Variants in TNFAIP8L3 observed in about 807,000 individuals in gnomAD.
TNFAIP8L3 encodes the protein TNF alpha induced protein 8 like 3.
In TNFAIP8L3, 7 loss-of-function variants were observed where a neutral mutation model predicts 11.8. The observed-to-expected ratio is 0.59, with a 90% CI of 0.34 to 1.11. TNFAIP8L3 has a LOEUF of 1.11. Among genes scored for constraint, TNFAIP8L3 ranks in the 50% most tolerant of loss-of-function variants. The probability of loss-of-function intolerance (pLI) is 0.03; values close to 1 mark genes in which losing one functional copy is unlikely to be tolerated. For missense variants in TNFAIP8L3, 219 were observed against 258.6 expected, an observed-to-expected ratio of 0.85 and a Z score of 1.05; for synonymous variants, 98 against 103.8, an observed-to-expected ratio of 0.94 and a Z score of 0.34.
At chr15:51,091,291 C>T (rs1315601287) in intron 1 of TNFAIP8L3, among the ~76,000 whole-genome samples, 1 of 152,188 alleles carries the variant, frequency 6.6e-6, no homozygotes, top group Non-Finnish European at 1.5e-5. Flanking sequence ...GCTCTGCACG[C>T]ACAAAGTGGG....
At chr15:51,097,399 T>C (rs1404279834), upstream of TNFAIP8L3, among the ~76,000 whole-genome samples, 3 of 152,218 alleles carry the variant, frequency 2.0e-5, no homozygotes, top group Non-Finnish European at 4.4e-5. Context: ...GATAAATGCT[T>C]TGGGCATGGG....
At chr15:51,071,122 A>T (rs1360317253) in intron 1 of TNFAIP8L3, among the ~76,000 whole-genome samples, 2 of 152,050 alleles carry the variant, frequency 1.3e-5, no homozygotes, top group African/African-American at 2.4e-5. Context: ...ATAAATAGAT[A>T]AAAATATGTA....
At chr15:51,060,134 C>T (rs2140962363) in intron 1 of TNFAIP8L3, among the ~76,000 whole-genome samples, 1 of 152,366 alleles carries the variant, frequency 6.6e-6, no homozygotes, top group East Asian at 1.9e-4. Context: ...GACTTCCTGA[C>T]TGATGCTATT....
intron 1 of TNFAIP8L3, among the ~76,000 whole-genome samples, chr15:51,072,471 T>A (rs1411366960): frequency 6.6e-6 from 1 of 152,226 alleles, no homozygotes; most frequent in East Asian, 1.9e-4. Flanking sequence ...GTCTAATTTA[T>A]CAATCTTTTC....
upstream of TNFAIP8L3, among the ~76,000 whole-genome samples, chr15:51,098,156 A>G (rs886333996): frequency 2.6e-5 from 4 of 152,246 alleles, no homozygotes; most frequent in African/African-American, 9.6e-5. Context: ...AGATAATAAA[A>G]TAGATCCATT....
chr15:51,066,569 T>C (rs1304035747), intron 1 of TNFAIP8L3, among the ~76,000 whole-genome samples: 5 of 152,184 alleles, frequency 3.3e-5, no homozygotes, highest in Non-Finnish European at 7.4e-5. Context: ...TCACTACTGA[T>C]AAGTGGTCAG....
chr15:51,076,759 C>T (rs1282575193), intron 1 of TNFAIP8L3, among the ~76,000 whole-genome samples: 1 of 152,170 alleles, frequency 6.6e-6, no homozygotes, highest in Non-Finnish European at 1.5e-5. Context: ...GCCCCTGCCA[C>T]CCCCAGCGCA....
chr15:51,092,943 G>A (rs569002015), intron 1 of TNFAIP8L3, among the ~76,000 whole-genome samples: 2 of 152,250 alleles, frequency 1.3e-5, no homozygotes, highest in Admixed American at 1.3e-4. Flanking sequence ...TAGAGGGTTG[G>A]GCAGGGGAGC....
At position 51,094,235 on chromosome 15, in the gene TNFAIP8L3, C is replaced by T. The variant is rs1330002646; in HGVS notation, c.52+309G>A. The stretch of plus-strand genomic sequence containing the variant: ...AAAGGCAGATGTGTTGCAACCCTCT[C>T]TGCAGCAAACTACAGTACGCGGATT... On this transcript the variant is annotated intron_variant, in intron 1 of 1. Transcript: ENST00000637513. This position sits in a 1 kb window ranked among gnomAD's most constrained non-coding sequence, Gnocchi z 4.4. Among the ~76,000 whole-genome samples the T allele has an allele frequency of 6.6e-6, 1 of 152,222 alleles. No homozygotes were observed. The highest frequency in any genetic ancestry group is 6.5e-5 in the Admixed American group (1 of 15,292).
At chr15:51,103,155 G>A (rs1021578555) in intron 1 of TNFAIP8L3, among the ~76,000 whole-genome samples, 4 of 152,074 alleles carry the variant, frequency 2.6e-5, no homozygotes, top group Admixed American at 1.3e-4. Flanking sequence ...CCCTCCCTTC[G>A]GTGTTCAAAG....
chr15:51,084,915 A>G (rs937395056), intron 1 of TNFAIP8L3, among the ~76,000 whole-genome samples: 3 of 152,226 alleles, frequency 2.0e-5, no homozygotes, highest in African/African-American at 7.2e-5. Context: ...CTTAAGGGAC[A>G]TAGTTAGGAA....
chr15:51,076,605 A>G (rs991695112), intron 1 of TNFAIP8L3, among the ~76,000 whole-genome samples: 1 of 152,212 alleles, frequency 6.6e-6, no homozygotes, highest in Non-Finnish European at 1.5e-5. Context: ...GCTGTCCTGC[A>G]CAATCAAGAT....
chr15:51,096,363 C>T (rs772191681), upstream of TNFAIP8L3, among the ~76,000 whole-genome samples: 2 of 152,120 alleles, frequency 1.3e-5, no homozygotes, highest in Non-Finnish European at 2.9e-5. Context: ...GTCAAAAGAG[C>T]CCCACAGTGG....
In TNFAIP8L3 at chr15:51,094,696, C is replaced by T; in HGVS notation, c.-101G>A. 6.7e-6 allele frequency: 4 copies of T among 597,862 alleles called. No homozygotes were observed. Among genetic ancestry groups the T allele is most frequent in the Non-Finnish European group, 8.2e-6 (4 of 487,316 alleles). 37.0% of individuals were successfully genotyped at this position (597,862 alleles called of 1,614,324 possible). ...GGCGGACAGCGGGGCGGCTGGAGCC[C>T]GGGCGGCGCGGGCGGCGCGGGCTGG... On this transcript the variant is annotated 5_prime_UTR_variant, in exon 1 of 2. Coordinates refer to ENST00000637513, the MANE Select transcript of TNFAIP8L3 (RefSeq NM_001311175.2). The surrounding 1 kb of genome is among the most constrained non-coding windows in gnomAD (Gnocchi z 4.4).
At chr15:51,083,490 T>C (rs1322255877) in intron 1 of TNFAIP8L3, among the ~76,000 whole-genome samples, 1 of 152,094 alleles carries the variant, frequency 6.6e-6, no homozygotes, top group Non-Finnish European at 1.5e-5. Context: ...AGAGGAAGGG[T>C]TGCAGAGGGC....
At chr15:51,086,259 C>T (rs939703129) in intron 1 of TNFAIP8L3, among the ~76,000 whole-genome samples, 2 of 152,252 alleles carry the variant, frequency 1.3e-5, no homozygotes, top group Non-Finnish European at 2.9e-5. Flanking sequence ...AAGAAGCCCA[C>T]GGCTGGAGCG....
chr15:51,080,577 T>G (rs1343465068), intron 1 of TNFAIP8L3, among the ~76,000 whole-genome samples: 1 of 152,226 alleles, frequency 6.6e-6, no homozygotes, highest in Non-Finnish European at 1.5e-5. Context: ...TCACAACTCC[T>G]TTTTCTTAAT....
chr15:51,101,066 C>T (rs573500599), intron 1 of TNFAIP8L3, among the ~76,000 whole-genome samples: 1 of 152,320 alleles, frequency 6.6e-6, no homozygotes, highest in South Asian at 2.1e-4. Flanking sequence ...TATCCTCTAT[C>T]CCTTAATCTT....
intron 1 of TNFAIP8L3, among the ~76,000 whole-genome samples, chr15:51,084,088 G>C (rs1023417358): frequency 2.6e-5 from 4 of 152,106 alleles, no homozygotes; most frequent in African/African-American, 9.7e-5. Context: ...GGTTTATTTT[G>C]CTCGAGCATT....
Sources: allele counts gnomAD v4.1 joint callset (sites outside exome capture counted in the v4.1 genomes callset), GRCh38; gene constraint gnomAD v4.1.1; non-coding constraint Gnocchi (gnomAD v3.1); transcripts MANE v1.5; gene names NCBI Gene and HGNC (gene_info 2026-07-23, HGNC 2026-07-21).